Variants in MIS18A observed in about 807,000 individuals in gnomAD.
MIS18A encodes the protein protein Mis18-alpha.
In MIS18A, 14 loss-of-function variants were observed where a neutral mutation model predicts 25.0. The observed-to-expected ratio is 0.56, with a 90% CI of 0.37 to 0.88. The LOEUF (loss-of-function observed/expected upper bound fraction) is 0.88, where lower values mean the gene tolerates loss of function less well. Ranked by LOEUF, MIS18A falls within the 40% of genes least tolerant of loss-of-function variation. MIS18A has a pLI of 0.00. For missense variants in MIS18A, 292 were observed against 290.8 expected, an observed-to-expected ratio of 1.00 and a Z score of -0.03; for synonymous variants, 134 against 118.6, an observed-to-expected ratio of 1.13 and a Z score of -0.84.
the MIS18A span, among the ~76,000 whole-genome samples, chr21:32,177,983 T>C: frequency 6.6e-6 from 1 of 151,964 alleles, no homozygotes; most frequent in Non-Finnish European, 1.5e-5. Context: ...GGCACAGTCA[T>C]GGCTCACTAC....
At chr21:32,187,582 C>T in the MIS18A span, among the ~76,000 whole-genome samples, 1 of 152,108 alleles carries the variant, frequency 6.6e-6, no homozygotes, top group Admixed American at 6.5e-5. Flanking sequence ...ACTCTGTGCC[C>T]CATAAAAGGA....
At chr21:32,240,896 T>C in the MIS18A span, among the ~76,000 whole-genome samples, 1 of 152,208 alleles carries the variant, frequency 6.6e-6, no homozygotes, top group Non-Finnish European at 1.5e-5. Flanking sequence ...TTTATTTTTC[T>C]AGCAGTCACT....
In MIS18A at chr21:32,269,875, G is replaced by C. The variant is rs190220435; in HGVS notation, c.525-72C>G. Reference sequence around the variant, plus strand: ...GCACTTGTTCCCAGCTATTCAGGAGGCTGAGACAGAAGGATCATCTGAGGC... The same window carrying C: ...GCACTTGTTCCCAGCTATTCAGGAGCCTGAGACAGAAGGATCATCTGAGGC... On this transcript the variant is annotated intron_variant, in intron 3 of 4. Transcript: ENST00000290130. The C allele has an allele frequency of 6.7e-5, 63 of 934,412 alleles. No homozygotes were observed. The African/African-American group carries it at 9.9e-4, about 15-fold the overall frequency. The allele number at this position is 934,412 out of a possible 1,614,324, so 57.9% of individuals were successfully genotyped here. A position where few individuals can be genotyped will look rare whatever the true frequency, so the allele number is the denominator to read the frequency against.
the MIS18A span, among the ~76,000 whole-genome samples, chr21:32,195,895 A>T: frequency 6.6e-6 from 1 of 151,970 alleles, no homozygotes; most frequent in African/African-American, 2.4e-5. Flanking sequence ...TGACACATGC[A>T]TGTAGTCCCA....
chr21:32,156,084 G>T, the MIS18A span, among the ~76,000 whole-genome samples: 2 of 152,076 alleles, frequency 1.3e-5, no homozygotes, highest in Non-Finnish European at 2.9e-5. Context: ...AAAAGAAAAA[G>T]ATTTCCTTGA....
At chr21:32,191,426 CA>C in the MIS18A span, among the ~76,000 whole-genome samples, 1 of 151,934 alleles carries the variant, frequency 6.6e-6, no homozygotes, top group Admixed American at 6.6e-5. Context: ...CCGATTTCTA[CA>C]AAAAAGTTTA....
At chr21:32,241,541 A>G in the MIS18A span, among the ~76,000 whole-genome samples, 1 of 152,170 alleles carries the variant, frequency 6.6e-6, no homozygotes, top group African/African-American at 2.4e-5. Context: ...GGAGTTCCTG[A>G]GAATTTAGGA....
At chr21:32,241,556 TTG>T in the MIS18A span, among the ~76,000 whole-genome samples, 2 of 152,184 alleles carry the variant, frequency 1.3e-5, no homozygotes, top group Non-Finnish European at 2.9e-5. Context: ...TTAGGAAGAC[TTG>T]GAGCCAGCTA....
the MIS18A span, chr21:32,259,681 T>C: frequency 1.6e-4 from 25 of 152,258 alleles, no homozygotes; most frequent in African/African-American, 5.8e-4. Context: ...CGTTAATGTG[T>C]ATCTGCCGGG....
At chr21:32,202,458 G>C in the MIS18A span, among the ~76,000 whole-genome samples, 2 of 152,112 alleles carry the variant, frequency 1.3e-5, no homozygotes, top group South Asian at 4.1e-4. Context: ...AGAGCTCTTG[G>C]AAATTTCTGT....
the MIS18A span, among the ~76,000 whole-genome samples, chr21:32,257,866 CA>C: frequency 6.6e-6 from 1 of 152,136 alleles, no homozygotes; most frequent in East Asian, 1.9e-4. Flanking sequence ...TCTGTTTCAG[CA>C]AATGGAAGTC....
chr21:32,244,053 C>CA, the MIS18A span, among the ~76,000 whole-genome samples: 1 of 152,160 alleles, frequency 6.6e-6, no homozygotes, highest in East Asian at 1.9e-4. Context: ...GTAATACATC[C>CA]ATACAATGGA....
At chr21:32,237,815 TCTGA>T in the MIS18A span, among the ~76,000 whole-genome samples, 2 of 152,156 alleles carry the variant, frequency 1.3e-5, no homozygotes, top group East Asian at 1.9e-4. Context: ...GCTAGGATAC[TCTGA>T]CTGTGAGTAG....
intron 4 of MIS18A, chr21:32,269,496 TTGACA>T (rs945724350): frequency 2.0e-5 from 10 of 503,986 alleles, no homozygotes; most frequent in African/African-American, 9.9e-5. Context: ...AGTTTTGATT[TTGACA>T]TGACATGTCT....
chr21:32,202,304 CAGAAA>C, the MIS18A span, among the ~76,000 whole-genome samples: 1 of 147,938 alleles, frequency 6.8e-6, no homozygotes, highest in African/African-American at 2.5e-5. Context: ...AGAAAAAAAA[CAGAAA>C]AGAAAAGAAA....
At chr21:32,170,491 A>C in the MIS18A span, among the ~76,000 whole-genome samples, 1 of 152,140 alleles carries the variant, frequency 6.6e-6, no homozygotes. Context: ...AGAATAACTA[A>C]ATTGAAAATT....
the MIS18A span, among the ~76,000 whole-genome samples, chr21:32,161,831 T>C: frequency 8.0e-3 from 1,208 of 151,478 alleles, 14 homozygotes; most frequent in African/African-American, 0.024. Context: ...AAATGAATAT[T>C]TACCAGTAAG....
chr21:32,244,965 T>C, the MIS18A span, among the ~76,000 whole-genome samples: 2 of 152,228 alleles, frequency 1.3e-5, no homozygotes, highest in East Asian at 3.8e-4. Context: ...GTAAACACTT[T>C]AGGCAGCAAT....
the MIS18A span, among the ~76,000 whole-genome samples, chr21:32,217,581 T>C: frequency 1.2e-3 from 181 of 152,286 alleles, no homozygotes; most frequent in African/African-American, 4.1e-3. Context: ...ACTTTCCAAA[T>C]TGGATAAAAT....
Sources: allele counts gnomAD v4.1 joint callset (sites outside exome capture counted in the v4.1 genomes callset), GRCh38; gene constraint gnomAD v4.1.1; transcripts MANE v1.5; gene names NCBI Gene and HGNC (gene_info 2026-07-23, HGNC 2026-07-21).